RGS6: variants seen among roughly 807,000 people sequenced by gnomAD.
RGS6 encodes regulator of G protein signaling 6.
RGS6 carries 30 observed loss-of-function variants against 78.5 expected under a neutral mutation model. That is an observed-to-expected ratio of 0.38 (90% CI 0.29 to 0.52). RGS6 has a LOEUF of 0.52. RGS6 is among the 20% of genes least tolerant of loss of function. The probability of loss-of-function intolerance (pLI) is 0.85; values close to 1 mark genes in which losing one functional copy is unlikely to be tolerated. For synonymous variants in RGS6, 206 were observed against 206.0 expected (o/e 1.00, Z 0.00); for missense variants, 495 against 609.7 (o/e 0.81, Z 1.98).
intron 2 of RGS6, among the ~76,000 whole-genome samples, chr14:72,230,397 T>C (rs1031570108): frequency 2.0e-5 from 3 of 152,166 alleles, no homozygotes; most frequent in Middle Eastern, 3.4e-3. Flanking sequence ...ACAAAAGCAC[T>C]TGTGAAAAGA....
At chr14:72,006,828 T>C (rs1164037042) in intron 2 of RGS6, among the ~76,000 whole-genome samples, 2 of 152,176 alleles carry the variant, frequency 1.3e-5, no homozygotes, top group African/African-American at 4.8e-5. Flanking sequence ...GAAACTAAAA[T>C]GTGATAGGAC....
chr14:72,242,663 G>A (rs1387352772), intron 2 of RGS6, among the ~76,000 whole-genome samples: 3 of 151,924 alleles, frequency 2.0e-5, no homozygotes, highest in Non-Finnish European at 4.4e-5. Flanking sequence ...ACTGTCATAA[G>A]GATAATTTTT....
the RGS6 span, among the ~76,000 whole-genome samples, chr14:72,593,323 T>C: frequency 2.0e-5 from 3 of 152,246 alleles, no homozygotes; most frequent in Non-Finnish European, 4.4e-5. Context: ...GATCATACGA[T>C]AGCAAGAAAT....
chr14:72,575,791 G>T, the RGS6 span, among the ~76,000 whole-genome samples: 4 of 152,190 alleles, frequency 2.6e-5, no homozygotes, highest in African/African-American at 9.7e-5. Flanking sequence ...CCATAAATAT[G>T]TGCAATTATT....
the RGS6 span, among the ~76,000 whole-genome samples, chr14:71,870,329 G>T: frequency 6.6e-6 from 1 of 152,222 alleles, no homozygotes; most frequent in Non-Finnish European, 1.5e-5. Flanking sequence ...GAAAGGAAGA[G>T]TCTTCAGCCT....
At chr14:72,208,369 C>A (rs1211667717) in intron 2 of RGS6, among the ~76,000 whole-genome samples, 1 of 152,182 alleles carries the variant, frequency 6.6e-6, no homozygotes, top group Non-Finnish European at 1.5e-5. Context: ...TGAAGCGATG[C>A]CTGACCAGCT....
At chr14:72,288,541 A>G (rs2063004447) in intron 2 of RGS6, among the ~76,000 whole-genome samples, 1 of 152,214 alleles carries the variant, frequency 6.6e-6, no homozygotes, top group South Asian at 2.1e-4. Context: ...TGCCAGGTTA[A>G]AGAGGAAAGA....
At chr14:72,274,361 G>A (rs2060364807) in intron 2 of RGS6, among the ~76,000 whole-genome samples, 1 of 152,146 alleles carries the variant, frequency 6.6e-6, no homozygotes, top group Non-Finnish European at 1.5e-5. Flanking sequence ...CCAGGGCTTG[G>A]GGTCCTGCTT....
chr14:72,530,970 A>T (rs1034625752), intron 15 of RGS6, among the ~76,000 whole-genome samples: 4 of 116,236 alleles, frequency 3.4e-5, no homozygotes, highest in Non-Finnish European at 6.7e-5. Flanking sequence ...AGCCTGTGCT[A>T]GACAGTATGC....
intron 13 of RGS6, among the ~76,000 whole-genome samples, 186 bp downstream of exon 13, chr14:72,495,448 A>G (rs1355507788): frequency 6.6e-6 from 1 of 152,104 alleles, no homozygotes; most frequent in Non-Finnish European, 1.5e-5. Context: ...TTGTGCATGG[A>G]TCCTTTGTGG....
At chr14:72,056,887 G>T (rs2153426724) in intron 2 of RGS6, among the ~76,000 whole-genome samples, 1 of 152,244 alleles carries the variant, frequency 6.6e-6, no homozygotes. Flanking sequence ...GTTTATGTCT[G>T]TATTTGGCCA....
chr14:72,251,164 G>A (rs2055662900), intron 2 of RGS6, among the ~76,000 whole-genome samples: 1 of 152,220 alleles, frequency 6.6e-6, no homozygotes, highest in Non-Finnish European at 1.5e-5. Flanking sequence ...TTATGGGACG[G>A]TAAGGGGCAG....
At chr14:72,003,327 A>C (rs1236769475) in intron 2 of RGS6, among the ~76,000 whole-genome samples, 1 of 152,230 alleles carries the variant, frequency 6.6e-6, no homozygotes, top group Non-Finnish European at 1.5e-5. Flanking sequence ...ACTTTGTAAA[A>C]ATCATGGCCC....
chr14:71,917,697 G>C, the RGS6 span, among the ~76,000 whole-genome samples: 1 of 152,160 alleles, frequency 6.6e-6, no homozygotes, highest in African/African-American at 2.4e-5. Context: ...AGTCTCATTA[G>C]GAAGAACACA....
intron 2 of RGS6, among the ~76,000 whole-genome samples, chr14:72,129,701 A>T (rs1275658237): frequency 6.6e-6 from 1 of 152,134 alleles, no homozygotes; most frequent in Non-Finnish European, 1.5e-5. Flanking sequence ...TGAACTTCTA[A>T]CATAGTGTGG....
chr14:72,046,976 T>C (rs140412058), intron 2 of RGS6, among the ~76,000 whole-genome samples: 124 of 152,346 alleles, frequency 8.1e-4, no homozygotes, highest in African/African-American at 2.9e-3. Context: ...GACCCTCTGA[T>C]TTTGTTAGAT....
intron 3 of RGS6, among the ~76,000 whole-genome samples, chr14:72,441,042 A>G (rs1399660127): frequency 6.6e-6 from 1 of 152,182 alleles, no homozygotes; most frequent in Non-Finnish European, 1.5e-5. Context: ...TGTCTGTTGC[A>G]TCTATGCATG....
chr14:72,511,415 C>T (rs996746811), intron 14 of RGS6, among the ~76,000 whole-genome samples: 4 of 152,242 alleles, frequency 2.6e-5, no homozygotes, highest in Non-Finnish European at 1.5e-5. Flanking sequence ...TACACCTGTG[C>T]TGTATCAAGC....
At chr14:72,414,036 A>G (rs2093622567) in intron 3 of RGS6, among the ~76,000 whole-genome samples, 1 of 152,110 alleles carries the variant, frequency 6.6e-6, no homozygotes. Flanking sequence ...TGAATCTGAC[A>G]ATTATGTGTC....
Sources: allele counts gnomAD v4.1 joint callset (sites outside exome capture counted in the v4.1 genomes callset), GRCh38; gene constraint gnomAD v4.1.1; transcripts MANE v1.5; gene names NCBI Gene and HGNC (gene_info 2026-07-23, HGNC 2026-07-21).